The following LGSN variants were observed in gnomAD, a reference collection of about 807,000 sequenced individuals.
LGSN encodes lengsin.
A neutral mutation model predicts 19.5 loss-of-function variants in LGSN; 21 were observed. That is an observed-to-expected ratio of 1.07 (90% confidence interval 0.76 to 1.55). LGSN has a LOEUF of 1.55. Ranked by LOEUF, LGSN falls within the 40% of genes most tolerant of loss-of-function variation. The pLI, the probability that LGSN is intolerant of heterozygous loss-of-function variation, is 0.00. For missense variants in LGSN, 673 were observed against 608.5 expected (o/e 1.11, Z -1.12); for synonymous variants, 257 against 215.6 (o/e 1.19, Z -1.68).
chr6:63,367,476 CT>C, the LGSN span, among the ~76,000 whole-genome samples: 3 of 152,024 alleles, frequency 2.0e-5, no homozygotes, highest in East Asian at 1.9e-4. Flanking sequence ...AATAGGAAAG[CT>C]TTTACACTGT....
the LGSN span, among the ~76,000 whole-genome samples, chr6:63,524,469 G>T: frequency 6.6e-6 from 1 of 152,110 alleles, no homozygotes; most frequent in Non-Finnish European, 1.5e-5. Context: ...AGTTTAATAA[G>T]TGAGAACTTC....
At chr6:63,288,900 A>T (rs2127385156) in intron 2 of LGSN, among the ~76,000 whole-genome samples, 1 of 152,334 alleles carries the variant, frequency 6.6e-6, no homozygotes, top group Non-Finnish European at 1.5e-5. Context: ...ACGTATCTCC[A>T]AATTCAGCCA....
chr6:63,284,653 A>G (rs1562005350), intron 3 of LGSN, among the ~76,000 whole-genome samples: 2 of 152,206 alleles, frequency 1.3e-5, no homozygotes, highest in Non-Finnish European at 2.9e-5. Context: ...CATTTGAATT[A>G]CATTCTGGGC....
intron 2 of LGSN, among the ~76,000 whole-genome samples, chr6:63,288,851 C>T (rs764856096): frequency 1.3e-5 from 2 of 152,110 alleles, no homozygotes; most frequent in Non-Finnish European, 2.9e-5. Flanking sequence ...TAGGGGCCAC[C>T]CTACTGACCT....
the LGSN span, among the ~76,000 whole-genome samples, chr6:63,540,014 A>G: frequency 6.6e-6 from 1 of 152,186 alleles, no homozygotes; most frequent in African/African-American, 2.4e-5. Flanking sequence ...GTGGACACTG[A>G]TACAGCCATC....
chr6:63,434,455 AAAG>A, the LGSN span, among the ~76,000 whole-genome samples: 10 of 147,944 alleles, frequency 6.8e-5, 1 homozygote, highest in East Asian at 1.0e-3. Context: ...AAAAAAAAAA[AAAG>A]AAGAAGTTGT....
At chr6:63,351,099 G>A in the LGSN span, among the ~76,000 whole-genome samples, 1 of 152,112 alleles carries the variant, frequency 6.6e-6, no homozygotes, top group East Asian at 1.9e-4. Flanking sequence ...TCACAAATGG[G>A]ATTAGTGTCT....
At chr6:63,333,125 C>T in the LGSN span, among the ~76,000 whole-genome samples, 13 of 151,794 alleles carry the variant, frequency 8.6e-5, no homozygotes, top group African/African-American at 2.7e-4. Context: ...GAAGGGGACC[C>T]GAGCGGGTTC....
the LGSN span, among the ~76,000 whole-genome samples, chr6:63,454,859 C>T: frequency 4.0e-5 from 5 of 125,968 alleles, no homozygotes. Context: ...TAATGGCAAT[C>T]TCTGCTCGCT....
the LGSN span, chr6:63,479,988 T>C: frequency 6.6e-6 from 1 of 152,282 alleles, no homozygotes; most frequent in Admixed American, 6.5e-5. Flanking sequence ...GTCCACATTT[T>C]AGTGGGGGCC....
At chr6:63,361,088 G>C in the LGSN span, among the ~76,000 whole-genome samples, 2 of 152,220 alleles carry the variant, frequency 1.3e-5, no homozygotes. Flanking sequence ...CTCCCAGTTA[G>C]GCTACTCGAG....
the LGSN span, among the ~76,000 whole-genome samples, chr6:63,511,100 C>T: frequency 6.6e-6 from 1 of 152,160 alleles, no homozygotes; most frequent in Non-Finnish European, 1.5e-5. Context: ...GAGTAACAAT[C>T]AGGGCACTTA....
chr6:63,515,217 TTTTG>T, the LGSN span, among the ~76,000 whole-genome samples: 3,492 of 150,674 alleles, frequency 0.023, 98 homozygotes, highest in East Asian at 0.079. Flanking sequence ...TAAAAAGTTT[TTTTG>T]TTTGTTTGTT....
intron 1 of LGSN, among the ~76,000 whole-genome samples, chr6:63,316,037 C>G (rs929573001): frequency 6.6e-6 from 1 of 152,078 alleles, no homozygotes; most frequent in Non-Finnish European, 1.5e-5. Flanking sequence ...GGTTATTTGT[C>G]AAAGTGTTGA....
the LGSN span, among the ~76,000 whole-genome samples, chr6:63,399,317 T>C: frequency 6.6e-6 from 1 of 152,186 alleles, no homozygotes; most frequent in African/African-American, 2.4e-5. Context: ...CACTCTATGA[T>C]TTTCATACAA....
chr6:63,407,049 C>CAA, the LGSN span, among the ~76,000 whole-genome samples: 1 of 151,962 alleles, frequency 6.6e-6, no homozygotes, highest in Non-Finnish European at 1.5e-5. Flanking sequence ...AGCTTACCAA[C>CAA]CAAAAAGAGT....
the LGSN span, among the ~76,000 whole-genome samples, chr6:63,340,435 A>G: frequency 1.0e-3 from 156 of 152,226 alleles, no homozygotes; most frequent in Non-Finnish European, 1.7e-3. Context: ...CCTACATGTA[A>G]CATAGGCTTT....
chr6:63,537,130 A>G, the LGSN span, among the ~76,000 whole-genome samples: 49 of 152,324 alleles, frequency 3.2e-4, no homozygotes, highest in South Asian at 5.6e-3. Flanking sequence ...GATAAAGTGA[A>G]TGAATTAGAA....
the LGSN span, among the ~76,000 whole-genome samples, chr6:63,486,153 T>G: frequency 2.6e-5 from 4 of 152,184 alleles, no homozygotes; most frequent in African/African-American, 9.7e-5. Flanking sequence ...ACTAATAAAT[T>G]TGTACTTAAG....
Sources: allele counts gnomAD v4.1 joint callset (sites outside exome capture counted in the v4.1 genomes callset), GRCh38; gene constraint gnomAD v4.1.1; transcripts MANE v1.5; gene names NCBI Gene and HGNC (gene_info 2026-07-23, HGNC 2026-07-21).